The following TMEM178B variants were observed in gnomAD, a reference collection of about 807,000 sequenced individuals.
TMEM178B encodes the protein transmembrane protein 178B.
Under a neutral mutation model 31.0 loss-of-function variants are expected in TMEM178B, and 5 were observed. That is an observed-to-expected ratio of 0.16 (90% CI 0.08 to 0.34). The LOEUF (loss-of-function observed/expected upper bound fraction) is 0.34. TMEM178B is among the 10% of genes least tolerant of loss of function. The pLI is 1.00. For synonymous variants in TMEM178B, 164 were observed against 164.0 expected, an observed-to-expected ratio of 1.00 and a Z score of 0.00; for missense variants, 275 against 400.3, an observed-to-expected ratio of 0.69 and a Z score of 2.67.
At chr7:141,089,179 T>C (rs1316490901) in intron 1 of TMEM178B, among the ~76,000 whole-genome samples, 1 of 152,204 alleles carries the variant, frequency 6.6e-6, no homozygotes, top group African/African-American at 2.4e-5. Flanking sequence ...ATGTTTGGTG[T>C]GTCCAGAAGC....
the TMEM178B span, among the ~76,000 whole-genome samples, chr7:141,508,144 T>A: frequency 6.6e-6 from 1 of 152,318 alleles, no homozygotes; most frequent in East Asian, 1.9e-4. Flanking sequence ...TCTTGAATGC[T>A]TTGCTGCTTA....
the TMEM178B span, among the ~76,000 whole-genome samples, chr7:141,490,566 C>G: frequency 6.6e-6 from 1 of 152,302 alleles, no homozygotes; most frequent in Non-Finnish European, 1.5e-5. Context: ...AACAGTGAGA[C>G]AATACATTTC....
At chr7:141,201,151 C>T (rs1796870721) in intron 1 of TMEM178B, among the ~76,000 whole-genome samples, 1 of 152,174 alleles carries the variant, frequency 6.6e-6, no homozygotes, top group Admixed American at 6.5e-5. Flanking sequence ...TGGAGGAAAC[C>T]ACGTCGGCGC....
intron 1 of TMEM178B, among the ~76,000 whole-genome samples, chr7:141,205,240 T>C (rs1477089657): frequency 6.6e-6 from 1 of 152,214 alleles, no homozygotes; most frequent in Non-Finnish European, 1.5e-5. Context: ...GCAGTCACAA[T>C]GTATATTAAA....
chr7:141,444,874 C>T (rs1021403597), intron 3 of TMEM178B, among the ~76,000 whole-genome samples: 1 of 152,056 alleles, frequency 6.6e-6, no homozygotes, highest in Non-Finnish European at 1.5e-5. Context: ...TCTTCCCACA[C>T]TAGCACAACT....
chr7:141,306,501 C>A (rs1410880433), intron 2 of TMEM178B, among the ~76,000 whole-genome samples: 1 of 152,002 alleles, frequency 6.6e-6, no homozygotes, highest in Non-Finnish European at 1.5e-5. Flanking sequence ...GCCTAATTAG[C>A]TTTGAAAAAT....
chr7:141,354,281 T>G (rs1799782443), intron 2 of TMEM178B, among the ~76,000 whole-genome samples: 3 of 152,256 alleles, frequency 2.0e-5, no homozygotes, highest in Admixed American at 1.3e-4. Flanking sequence ...TTTTGGTTTC[T>G]TTTCTTTAGA....
At chr7:141,299,976 G>A (rs1188554972) in intron 2 of TMEM178B, among the ~76,000 whole-genome samples, 1 of 152,044 alleles carries the variant, frequency 6.6e-6, no homozygotes, top group Non-Finnish European at 1.5e-5. Context: ...TAAAGATGGG[G>A]TCTTGCTATG....
intron 1 of TMEM178B, among the ~76,000 whole-genome samples, chr7:141,154,039 C>T (rs1796025254): frequency 6.6e-6 from 1 of 152,232 alleles, no homozygotes; most frequent in Non-Finnish European, 1.5e-5. Context: ...CTGTACCTGA[C>T]ACTTTCTAGG....
chr7:141,295,407 G>A (rs1291848589), intron 2 of TMEM178B, among the ~76,000 whole-genome samples: 1 of 152,190 alleles, frequency 6.6e-6, no homozygotes, highest in Admixed American at 6.5e-5. Context: ...CCCAGCAGGT[G>A]TAATCCACTA....
chr7:141,335,633 T>C (rs1056673628), intron 2 of TMEM178B, among the ~76,000 whole-genome samples: 10 of 152,036 alleles, frequency 6.6e-5, no homozygotes, highest in African/African-American at 1.7e-4. Flanking sequence ...ATTACTATTT[T>C]CCCCCCTTTA....
At chr7:141,391,291 G>T (rs965263304) in intron 2 of TMEM178B, among the ~76,000 whole-genome samples, 2 of 151,956 alleles carry the variant, frequency 1.3e-5, no homozygotes, top group South Asian at 4.2e-4. Context: ...TCAGCCTCCC[G>T]AGTAGCTGGG....
chr7:141,311,254 C>T (rs2040928), intron 2 of TMEM178B, among the ~76,000 whole-genome samples: 112,540 of 152,138 alleles, frequency 0.74, 42,595 homozygotes, highest in African/African-American at 0.89. Flanking sequence ...CACACATTTA[C>T]CTATGTAACA....
At chr7:141,173,596 G>T (rs1023795336) in intron 1 of TMEM178B, among the ~76,000 whole-genome samples, 12 of 152,122 alleles carry the variant, frequency 7.9e-5, no homozygotes, top group African/African-American at 2.2e-4. Context: ...CAAATTTAAG[G>T]TCATTGAATA....
At chr7:141,419,886 A>G (rs1801171952) in intron 2 of TMEM178B, among the ~76,000 whole-genome samples, 1 of 152,182 alleles carries the variant, frequency 6.6e-6, no homozygotes, top group African/African-American at 2.4e-5. Flanking sequence ...ATGTTATAAT[A>G]ATTACGTGGC....
At chr7:141,238,023 A>G (rs1315987947) in intron 2 of TMEM178B, among the ~76,000 whole-genome samples, 1 of 71,292 alleles carries the variant, frequency 1.4e-5, no homozygotes, top group Admixed American at 1.7e-4. Context: ...GACTCTGTCT[A>G]AAAAAAAAAA....
intron 2 of TMEM178B, among the ~76,000 whole-genome samples, chr7:141,284,563 G>A (rs1168055157): frequency 6.6e-6 from 1 of 152,116 alleles, no homozygotes; most frequent in African/African-American, 2.4e-5. Context: ...GTCTTTTGAT[G>A]ATTTTAGCTG....
chr7:141,234,821 C>T (rs1254404452), intron 2 of TMEM178B, among the ~76,000 whole-genome samples: 1 of 152,134 alleles, frequency 6.6e-6, no homozygotes, highest in East Asian at 1.9e-4. Flanking sequence ...AGTTCTGTGC[C>T]GTCTATGCAG....
chr7:141,238,287 A>G (rs554651098), intron 2 of TMEM178B, among the ~76,000 whole-genome samples: 2 of 152,232 alleles, frequency 1.3e-5, no homozygotes, highest in East Asian at 3.9e-4. Flanking sequence ...TCACTTCTCT[A>G]TGGAGAAAAA....
Sources: allele counts gnomAD v4.1 joint callset (sites outside exome capture counted in the v4.1 genomes callset), GRCh38; gene constraint gnomAD v4.1.1; transcripts MANE v1.5; gene names NCBI Gene and HGNC (gene_info 2026-07-23, HGNC 2026-07-21).